Variants in ENTPD1 observed in about 807,000 individuals in gnomAD.
ENTPD1 encodes ATP diphosphohydrolase.
A neutral mutation model predicts 57.0 loss-of-function variants in ENTPD1; 33 were observed. The ratio of observed to expected loss-of-function variants is 0.58; its 90% confidence interval spans 0.44 to 0.77. The LOEUF is 0.77. Among genes scored for constraint, ENTPD1 ranks in the 30% least tolerant of loss-of-function variants. The probability of loss-of-function intolerance (pLI) is 0.00; values close to 1 mark genes in which losing one functional copy is unlikely to be tolerated. For missense variants in ENTPD1, 501 were observed against 603.4 expected, an observed-to-expected ratio of 0.83 and a Z score of 1.78; for synonymous variants, 202 against 218.8, an observed-to-expected ratio of 0.92 and a Z score of 0.68.
At chr10:95,836,801 G>A (rs2098410815) in intron 2 of ENTPD1, among the ~76,000 whole-genome samples, 1 of 152,150 alleles carries the variant, frequency 6.6e-6, no homozygotes, top group African/African-American at 2.4e-5. Context: ...CTGGTGTGGT[G>A]GAAAGAGAAC....
chr10:95,837,956 T>TCA (rs142329357), intron 2 of ENTPD1, among the ~76,000 whole-genome samples: 13,555 of 146,792 alleles, frequency 0.092, 680 homozygotes, highest in East Asian at 0.14. Flanking sequence ...GTAGGGAGAT[T>TCA]CACACACACA....
At chr10:95,809,795 C>CA (rs2098294416) in intron 1 of ENTPD1, among the ~76,000 whole-genome samples, 1 of 145,604 alleles carries the variant, frequency 6.9e-6, no homozygotes, top group African/African-American at 2.6e-5. Context: ...CCAGACGGGG[C>CA]GGCGGGGCAG....
At chr10:95,755,694 G>A, upstream of ENTPD1, 1 of 1,537,164 alleles carries the variant, frequency 6.5e-7, no homozygotes, top group Non-Finnish European at 8.7e-7. Context: ...AAGGATTGCT[G>A]GTCATGGGAC....
chr10:95,736,422 TTAAAA>T (rs2097994785), intron 1 of ENTPD1, among the ~76,000 whole-genome samples: 1 of 152,182 alleles, frequency 6.6e-6, no homozygotes. Flanking sequence ...AAAATGTTTA[TTAAAA>T]TGTTTAATAT....
chr10:95,767,583 T>G (rs1293791834), intron 1 of ENTPD1, among the ~76,000 whole-genome samples: 1 of 152,074 alleles, frequency 6.6e-6, no homozygotes, highest in Non-Finnish European at 1.5e-5. Flanking sequence ...CATCCATCCA[T>G]GAATTTAATG....
At chr10:95,755,992 G>A, upstream of ENTPD1, 1 of 1,464,892 alleles carries the variant, frequency 6.8e-7, no homozygotes, top group Non-Finnish European at 9.0e-7. Flanking sequence ...CCTGGAAAAG[G>A]CTTCGAGTAA....
the ENTPD1 span, among the ~76,000 whole-genome samples, chr10:95,705,920 A>G: frequency 6.6e-6 from 1 of 152,312 alleles, no homozygotes; most frequent in South Asian, 2.1e-4. Context: ...CGATGTAGTG[A>G]GACCTCGTCT....
At chr10:95,763,146 A>G (rs1467774118) in intron 1 of ENTPD1, among the ~76,000 whole-genome samples, 1 of 151,916 alleles carries the variant, frequency 6.6e-6, no homozygotes, top group East Asian at 1.9e-4. Context: ...GCTGGTCTCA[A>G]ACTCCTGGAC....
intron 1 of ENTPD1, among the ~76,000 whole-genome samples, chr10:95,768,244 A>G (rs1437966364): frequency 6.6e-6 from 1 of 152,242 alleles, no homozygotes; most frequent in African/African-American, 2.4e-5. Flanking sequence ...CTGGGTATAG[A>G]CTTCCTTTCA....
intron 2 of ENTPD1, among the ~76,000 whole-genome samples, chr10:95,824,506 T>C (rs904268075): frequency 6.6e-6 from 1 of 152,238 alleles, no homozygotes; most frequent in Non-Finnish European, 1.5e-5. Flanking sequence ...GCTGATACTA[T>C]CTCATTGTTA....
intron 1 of ENTPD1, among the ~76,000 whole-genome samples, chr10:95,740,686 C>T (rs983984627): frequency 6.6e-6 from 1 of 152,190 alleles, no homozygotes; most frequent in Admixed American, 6.5e-5. Flanking sequence ...TCTGTTGTTT[C>T]GTGTAGCCAC....
chr10:95,847,499 G>A lies in ENTPD1; in HGVS notation c.867G>A (p.Lys289=). 6.2e-7 allele frequency: 1 copy of A among 1,614,142 alleles called. No homozygotes were observed. The highest frequency in any genetic ancestry group is 1.7e-5 in the Admixed American group (1 of 60,020). Residue 289 remains lysine (K), a synonymous_variant, in exon 7 of 10, where the codon AAG becomes AAA. Coordinates refer to ENST00000371205, the MANE Select transcript of ENTPD1 (RefSeq NM_001776.6). ...RDPCFHPGYK[K]VVNVSDLYKT... is the part of the protein sequence containing the mutation. ...CATGCTTTCATCCTGGATATAAGAA[G>A]GTAGTGAACGTAAGTGACCTTTACA...
At chr10:95,858,965 C>A (rs1331355118) in intron 7 of ENTPD1, among the ~76,000 whole-genome samples, 1 of 151,748 alleles carries the variant, frequency 6.6e-6, no homozygotes, top group Non-Finnish European at 1.5e-5. Context: ...TAAAACAAAC[C>A]CTTTATATGT....
intron 1 of ENTPD1, among the ~76,000 whole-genome samples, chr10:95,733,010 A>C (rs1217697586): frequency 6.6e-6 from 1 of 152,216 alleles, no homozygotes; most frequent in Non-Finnish European, 1.5e-5. Context: ...GAGAGCAGAC[A>C]ACCAGTCTGA....
At chr10:95,795,038 TTA>T (rs2098220603) in intron 1 of ENTPD1, among the ~76,000 whole-genome samples, 1 of 152,138 alleles carries the variant, frequency 6.6e-6, no homozygotes, top group Non-Finnish European at 1.5e-5. Context: ...GATGATGTGA[TTA>T]TATAGACCCT....
intron 1 of ENTPD1, among the ~76,000 whole-genome samples, chr10:95,736,856 A>G (rs1230705074): frequency 6.6e-6 from 1 of 152,198 alleles, no homozygotes; most frequent in African/African-American, 2.4e-5. Context: ...TCATCAGTAT[A>G]ATTTAGTCAA....
chr10:95,858,420 A>C (rs1036584664), intron 7 of ENTPD1, among the ~76,000 whole-genome samples: 6 of 152,120 alleles, frequency 3.9e-5, no homozygotes, highest in Non-Finnish European at 8.8e-5. Context: ...TATTCTAAGT[A>C]TAATTAGGAG....
intron 2 of ENTPD1, among the ~76,000 whole-genome samples, chr10:95,830,404 T>G (rs931135153): frequency 6.6e-6 from 1 of 152,184 alleles, no homozygotes; most frequent in African/African-American, 2.4e-5. Flanking sequence ...TGTTCAAGCT[T>G]GGATCCATGT....
At chr10:95,757,884 AGT>A (rs1365003395) in intron 1 of ENTPD1, among the ~76,000 whole-genome samples, 1 of 151,654 alleles carries the variant, frequency 6.6e-6, no homozygotes, top group Admixed American at 6.6e-5. Flanking sequence ...GTGCGCCTGT[AGT>A]CCCAGCCACT....
Sources: gnomAD v4.1 joint callset for allele counts (sites outside exome capture counted in the v4.1 genomes callset) on GRCh38, gnomAD v4.1.1 for gene constraint, MANE v1.5 for transcripts, NCBI Gene and HGNC (gene_info 2026-07-23, HGNC 2026-07-21) for gene names.